The following FNDC1 variants were observed in gnomAD, a reference collection of about 807,000 sequenced individuals.
FNDC1 encodes the protein fibronectin type III domain containing 1.
In FNDC1, 96 loss-of-function variants were observed where a neutral mutation model predicts 168.0. The observed-to-expected ratio is 0.57, with a 90% confidence interval of 0.48 to 0.68. FNDC1 has a LOEUF of 0.68. Ranked by LOEUF, FNDC1 falls within the 30% of genes least tolerant of loss-of-function variation. FNDC1 has a pLI of 0.00. For synonymous variants in FNDC1, 1,099 were observed against 1,025.9 expected, an observed-to-expected ratio of 1.07 and a Z score of -1.36; for missense variants, 2,587 against 2,482.1, an observed-to-expected ratio of 1.04 and a Z score of -0.90.
rs1777758418 is a variant in FNDC1, at chr6:159,272,093, G to T, written c.*651G>T. ...AATATTGATTAAAATTGCTAAATTT[G>T]TACTTGTTCACCAGATAAATGTGTG... On this transcript the variant is annotated 3_prime_UTR_variant, in exon 23 of 23. Transcript: ENST00000297267. 6.6e-6 allele frequency: 1 copy of T among 152,196 alleles called. No individual in the cohort carries two copies. Among genetic ancestry groups the T allele is most frequent in the African/African-American group, 2.4e-5 (1 of 41,398 alleles). The allele number at this position is 152,196 out of a possible 1,614,324, so 9.4% of individuals were successfully genotyped here.
intron 3 of FNDC1, 27 bp from the exon 4 acceptor site, chr6:159,200,486 C>A (rs778928473): frequency 3.8e-6 from 6 of 1,565,216 alleles, no homozygotes; most frequent in South Asian, 3.5e-5. Context: ...TCGTTTCTAA[C>A]TATCAAGTTG....
chr6:159,244,734 G>C (rs1290345590), intron 14 of FNDC1, among the ~76,000 whole-genome samples: 1 of 152,164 alleles, frequency 6.6e-6, no homozygotes, highest in African/African-American at 2.4e-5. Context: ...AGTGGGGGCA[G>C]TTTTATGTAG....
At chr6:159,230,115 C>T in intron 10 of FNDC1, 112 bp downstream of exon 10, 3 of 932,156 alleles carry the variant, frequency 3.2e-6, no homozygotes, top group Non-Finnish European at 4.6e-6. Context: ...GATGATTTTT[C>T]CAGGCTAAGT....
At position 159,238,522 on chromosome 6, in the gene FNDC1, AATATATTCTTTAATCTATGT is replaced by A. The variant is rs764678644; in HGVS notation, c.4069-31_4069-12del. On this transcript the variant is annotated splice_polypyrimidine_tract_variant and intron_variant, in intron 12 of 22. Coordinates refer to ENST00000297267, the MANE Select transcript of FNDC1 (RefSeq NM_032532.3). Reference sequence around the variant, plus strand: ...CTAATGTGATCATTTCAAAATGTCCAATATATTCTTTAATCTATGTCATGGATTTAGGTTGTGGACCTTGA... The same window carrying A: ...CTAATGTGATCATTTCAAAATGTCCACATGGATTTAGGTTGTGGACCTTGA... 1 of 1,474,246 alleles carries A rather than the reference AATATATTCTTTAATCTATGT, an allele frequency of 6.8e-7. No individual in the cohort carries two copies. The highest frequency in any genetic ancestry group is 9.4e-7 in the Non-Finnish European group (1 of 1,067,116). The allele number at this position is 1,474,246 out of a possible 1,614,324, so 91.3% of individuals were successfully genotyped here. A position where few individuals can be genotyped will look rare whatever the true frequency, so the allele number is the denominator to read the frequency against.
intron 1 of FNDC1, among the ~76,000 whole-genome samples, chr6:159,190,370 C>T (rs1782109054): frequency 6.6e-6 from 1 of 152,250 alleles, no homozygotes; most frequent in South Asian, 2.1e-4. Flanking sequence ...TCTTTCTTTA[C>T]CTGGTGGCAT....
chr6:159,180,313 A>G (rs1781853894), intron 1 of FNDC1, among the ~76,000 whole-genome samples: 1 of 152,190 alleles, frequency 6.6e-6, no homozygotes, highest in African/African-American at 2.4e-5. Flanking sequence ...AGTTTTGGCC[A>G]TCTTAACTCT....
At chr6:159,265,943 C>A in intron 20 of FNDC1, 141 bp from the exon 21 acceptor site, 2 of 898,802 alleles carry the variant, frequency 2.2e-6, no homozygotes, top group Non-Finnish European at 3.3e-6. Flanking sequence ...AACAAACAAA[C>A]AACAACACAA....
chr6:159,233,462 G>T lies in FNDC1; in HGVS notation c.2950G>T (p.Ala984Ser), dbSNP rs763950052. ...CGCGTCCCCTGCTCGTCCGCCCGCA[G>T]CACGGTCACAGCAGCATCCCAGTGT... ...RHASPARPPA[A>S]RSQQHPSVPR... The change falls in exon 11 of 23, where the codon GCA becomes TCA. Residue 984 changes from alanine to serine, a missense_variant. By Grantham distance (99) the Ala-to-Ser change is moderately conservative. Transcript: ENST00000297267. This position sits in a 1 kb window ranked among gnomAD's most constrained non-coding sequence, Gnocchi z 4.6. 11 of 1,606,438 alleles carry T rather than the reference G, an allele frequency of 6.8e-6. No individual in the cohort carries two copies. Among genetic ancestry groups the T allele is most frequent in the Non-Finnish European group, 8.5e-6 (10 of 1,178,758 alleles).
intron 22 of FNDC1, among the ~76,000 whole-genome samples, chr6:159,270,789 G>A (rs1777729472): frequency 6.6e-6 from 1 of 152,168 alleles, no homozygotes; most frequent in East Asian, 1.9e-4. Context: ...TAAGTTGGGG[G>A]CCCTGAGCTC....
At chr6:159,270,721 C>T (rs1364892548) in intron 22 of FNDC1, among the ~76,000 whole-genome samples, 1 of 152,116 alleles carries the variant, frequency 6.6e-6, no homozygotes, top group Non-Finnish European at 1.5e-5. Flanking sequence ...GAGAGATTTC[C>T]TTGAAAGGTC....
chr6:159,185,145 C>CCTCATG (rs1781969238), intron 1 of FNDC1, among the ~76,000 whole-genome samples: 3 of 151,040 alleles, frequency 2.0e-5, no homozygotes, highest in Non-Finnish European at 4.4e-5. Context: ...TGGCCAAGAA[C>CCTCATG]TTTAAAACCT....
At chr6:159,265,080 T>C in intron 20 of FNDC1, 76 bp downstream of exon 20, 1 of 1,291,530 alleles carries the variant, frequency 7.7e-7, no homozygotes, top group Non-Finnish European at 1.1e-6. Flanking sequence ...TTGTGATTAC[T>C]CACAATTAGA....
intron 1 of FNDC1, among the ~76,000 whole-genome samples, chr6:159,180,488 T>G (rs900365283): frequency 3.9e-5 from 6 of 152,190 alleles, no homozygotes; most frequent in Non-Finnish European, 8.8e-5. Flanking sequence ...ATTTTAAGTT[T>G]AAGTTCCAGG....
At chr6:159,179,095 C>G (rs762184718) in intron 1 of FNDC1, among the ~76,000 whole-genome samples, 16 of 152,246 alleles carry the variant, frequency 1.1e-4, no homozygotes, top group African/African-American at 2.9e-4. Context: ...CTGCAATGTA[C>G]GAGGCCTCTT....
intron 3 of FNDC1, 126 bp from the exon 4 acceptor site, chr6:159,200,387 T>A: frequency 2.7e-6 from 2 of 751,162 alleles, no homozygotes; most frequent in Non-Finnish European, 4.4e-6. Context: ...GTCACTAATA[T>A]GGGCTGAGCA....
At chr6:159,248,938 TG>T in intron 15 of FNDC1, 100 bp from the exon 16 acceptor site, 4 of 1,115,014 alleles carry the variant, frequency 3.6e-6, no homozygotes, top group Non-Finnish European at 5.0e-6. Flanking sequence ...TCTGTCTGTC[TG>T]GGTTTCAGCC....
chr6:159,200,442 T>C (rs1436192978), intron 3 of FNDC1, 71 bp from the exon 4 acceptor site: 16 of 1,105,404 alleles, frequency 1.4e-5, no homozygotes, highest in East Asian at 2.6e-5. Context: ...TTATACATTA[T>C]GGATGCACTG....
At chr6:159,197,760 T>A in intron 2 of FNDC1, 135 bp downstream of exon 2, 1 of 722,036 alleles carries the variant, frequency 1.4e-6, no homozygotes, top group Non-Finnish European at 2.1e-6. Context: ...AATGGAGAGC[T>A]GAGTTCTGAG....
intron 5 of FNDC1, among the ~76,000 whole-genome samples, chr6:159,220,962 G>C: frequency 6.6e-6 from 1 of 152,240 alleles, no homozygotes; most frequent in East Asian, 1.9e-4. Context: ...TAAGTTGCAT[G>C]CTAGTGGGAC....
Sources: allele counts gnomAD v4.1 joint callset (sites outside exome capture counted in the v4.1 genomes callset), GRCh38; gene constraint gnomAD v4.1.1; non-coding constraint Gnocchi (gnomAD v3.1); transcripts MANE v1.5; gene names NCBI Gene and HGNC (gene_info 2026-07-23, HGNC 2026-07-21).